KDM4C: variants seen among roughly 807,000 people sequenced by gnomAD.
KDM4C encodes the protein lysine demethylase 4C.
In KDM4C, 81 loss-of-function variants were observed where a neutral mutation model predicts 129.3. That is an observed-to-expected ratio of 0.63 (90% CI 0.52 to 0.75). KDM4C has a LOEUF of 0.75. Among genes scored for constraint, KDM4C ranks in the 30% least tolerant of loss-of-function variants. The pLI, the probability that KDM4C is intolerant of heterozygous loss-of-function variation, is 0.00. For missense variants in KDM4C, 1,457 were observed against 1,304.0 expected (o/e 1.12, Z -1.81); for synonymous variants, 573 against 456.1 (o/e 1.26, Z -3.26).
chr9:6,887,361 G>A (rs564852817), intron 6 of KDM4C, among the ~76,000 whole-genome samples: 1 of 152,282 alleles, frequency 6.6e-6, no homozygotes, highest in South Asian at 2.1e-4. Context: ...TCATTTAAAA[G>A]CCTCCTCAAA....
chr9:7,169,740 T>C, intron 20 of KDM4C, 58 bp from the exon 21 acceptor site: 1 of 1,386,702 alleles, frequency 7.2e-7, no homozygotes, highest in Non-Finnish European at 9.9e-7. Context: ...ATTGGAGCCT[T>C]TAAAAATGGT....
intron 14 of KDM4C, among the ~76,000 whole-genome samples, chr9:7,014,924 A>G (rs1423317372): frequency 7.3e-6 from 1 of 136,080 alleles, no homozygotes; most frequent in East Asian, 2.3e-4. Flanking sequence ...TAACACACAC[A>G]CACACACACA....
chr9:6,728,709 G>T (rs1817225062), intron 1 of KDM4C, among the ~76,000 whole-genome samples: 1 of 149,590 alleles, frequency 6.7e-6, no homozygotes, highest in African/African-American at 2.5e-5. Context: ...AGCCAGGGAT[G>T]GTGGCGCATG....
At chr9:6,885,518 A>C (rs1845115254) in intron 6 of KDM4C, among the ~76,000 whole-genome samples, 1 of 151,716 alleles carries the variant, frequency 6.6e-6, no homozygotes, top group East Asian at 1.9e-4. Context: ...CAAGCTTTTT[A>C]TTATCCTAGC....
chr9:6,778,621 G>A (rs571549247), intron 1 of KDM4C, among the ~76,000 whole-genome samples: 81 of 151,762 alleles, frequency 5.3e-4, no homozygotes, highest in African/African-American at 1.8e-3. Flanking sequence ...ACAAAAATTA[G>A]CGGGGCGTGG....
chr9:6,850,477 GCT>G (rs1838638478), intron 5 of KDM4C, among the ~76,000 whole-genome samples: 1 of 151,724 alleles, frequency 6.6e-6, no homozygotes, highest in South Asian at 2.1e-4. Context: ...ATGAAGTCTT[GCT>G]CTGTCGCCCA....
chr9:6,793,366 C>T (rs549666203), intron 2 of KDM4C, among the ~76,000 whole-genome samples: 1 of 151,368 alleles, frequency 6.6e-6, no homozygotes, highest in Non-Finnish European at 1.5e-5. Context: ...AAATCAAAAC[C>T]AACCAAGGGT....
chr9:7,103,601 C>A, intron 17 of KDM4C, 84 bp from the exon 18 acceptor site: 51 of 690,906 alleles, frequency 7.4e-5, no homozygotes, highest in Non-Finnish European at 8.9e-5. Context: ...TTTTTCTTCT[C>A]TAGTAGCTAT....
intron 12 of KDM4C, among the ~76,000 whole-genome samples, chr9:6,999,917 CT>C (rs1365351088): frequency 6.6e-6 from 1 of 152,110 alleles, no homozygotes; most frequent in Non-Finnish European, 1.5e-5. Flanking sequence ...TCCATCAATT[CT>C]TTTTAGCTTG....
upstream of KDM4C, among the ~76,000 whole-genome samples, chr9:6,754,197 TTTTG>T: frequency 6.6e-6 from 1 of 151,352 alleles, no homozygotes; most frequent in Non-Finnish European, 1.5e-5. Context: ...TGTATATTTG[TTTTG>T]TTTTCTTTTC....
At chr9:7,018,767 T>C (rs1490578112) in intron 15 of KDM4C, among the ~76,000 whole-genome samples, 1 of 127,866 alleles carries the variant, frequency 7.8e-6, no homozygotes, top group Non-Finnish European at 1.7e-5. Context: ...TATGCTGTTT[T>C]CATGTAGCAT....
chr9:7,041,606 G>C (rs1828620381), intron 15 of KDM4C, among the ~76,000 whole-genome samples: 1 of 151,710 alleles, frequency 6.6e-6, no homozygotes, highest in African/African-American at 2.4e-5. Flanking sequence ...TTTTGTCTAT[G>C]ATGACTGAAA....
chr9:7,046,278 T>C (rs544869751), intron 15 of KDM4C, among the ~76,000 whole-genome samples: 1 of 152,140 alleles, frequency 6.6e-6, no homozygotes, highest in Admixed American at 6.6e-5. Flanking sequence ...TTCTTGGTGC[T>C]GTTTTCTCGG....
In KDM4C at chr9:7,166,450, ATG is replaced by A. The variant is rs1298198499; in HGVS notation, c.2901+1099_2901+1100del. Reference sequence around the variant, plus strand: ...ATGTATACACATACATTGTGTGTGTATGTGTGTATGTGTGTCTGTGTGTGTAA... The same window carrying A: ...ATGTATACACATACATTGTGTGTGTATGTGTATGTGTGTCTGTGTGTGTAA... On this transcript the variant is annotated intron_variant, in intron 20 of 21. Transcript: ENST00000381309. 6.1e-4 allele frequency among the ~76,000 whole-genome samples: 5 copies of A among 8,254 alleles called. No homozygotes were observed. The East Asian group carries it at 8.2e-3, about 14-fold the overall frequency. The allele number at this position is 8,254 out of a possible 152,430, so 5.4% of individuals were successfully genotyped here. A position where few individuals can be genotyped will look rare whatever the true frequency, so the allele number is the denominator to read the frequency against.
chr9:7,169,441 G>A (rs1241617887), intron 20 of KDM4C, among the ~76,000 whole-genome samples: 1 of 152,118 alleles, frequency 6.6e-6, no homozygotes, highest in African/African-American at 2.4e-5. Context: ...CTTCAAGCGG[G>A]TCTCCTGCCT....
At chr9:6,777,574 CCTGT>C (rs774238990) in intron 1 of KDM4C, among the ~76,000 whole-genome samples, 13 of 152,240 alleles carry the variant, frequency 8.5e-5, no homozygotes, top group East Asian at 5.8e-4. Context: ...GTTCCCTTTA[CCTGT>C]CTAAGACAAG....
At chr9:7,083,916 G>A (rs1485369554) in intron 17 of KDM4C, among the ~76,000 whole-genome samples, 2 of 152,128 alleles carry the variant, frequency 1.3e-5, no homozygotes, top group Non-Finnish European at 2.9e-5. Flanking sequence ...AAGATCCTAT[G>A]AGTAAAAACA....
intron 15 of KDM4C, among the ~76,000 whole-genome samples, chr9:7,025,663 G>T (rs1358775828): frequency 2.0e-5 from 3 of 152,094 alleles, no homozygotes; most frequent in African/African-American, 4.8e-5. Flanking sequence ...CTACACTTTA[G>T]CCTCTTGCTT....
intron 8 of KDM4C, among the ~76,000 whole-genome samples, chr9:6,932,433 C>T (rs1186493498): frequency 6.6e-6 from 1 of 152,050 alleles, no homozygotes; most frequent in Non-Finnish European, 1.5e-5. Context: ...TGTTGTGGGC[C>T]CTTGAGAAAA....
Sources: allele counts gnomAD v4.1 joint callset (sites outside exome capture counted in the v4.1 genomes callset), GRCh38; gene constraint gnomAD v4.1.1; transcripts MANE v1.5; gene names NCBI Gene and HGNC (gene_info 2026-07-23, HGNC 2026-07-21).